ULK4: variants seen among roughly 807,000 people sequenced by gnomAD.
ULK4 encodes the protein inactive serine/threonine-protein kinase ULK4.
In ULK4, 133 loss-of-function variants were observed where a neutral mutation model predicts 160.6. That is an observed-to-expected ratio of 0.83 (90% CI 0.72 to 0.96). The LOEUF is 0.96. ULK4 is among the 40% of genes least tolerant of loss of function. ULK4 has a pLI of 0.00. For synonymous variants in ULK4, 534 were observed against 539.8 expected, an observed-to-expected ratio of 0.99 and a Z score of 0.15; for missense variants, 1,580 against 1,499.5, an observed-to-expected ratio of 1.05 and a Z score of -0.89.
intron 17 of ULK4, among the ~76,000 whole-genome samples, chr3:41,864,591 C>T (rs2042575701): frequency 6.6e-6 from 1 of 151,914 alleles, no homozygotes; most frequent in Admixed American, 6.6e-5. Flanking sequence ...CTTGCTGTAC[C>T]CCAGAGTCAG....
intron 32 of ULK4, among the ~76,000 whole-genome samples, chr3:41,548,136 G>A (rs760080147): frequency 9.9e-5 from 15 of 152,136 alleles, no homozygotes; most frequent in Non-Finnish European, 1.9e-4. Flanking sequence ...ACAGGAACCT[G>A]GGGAATGCCT....
intron 35 of ULK4, among the ~76,000 whole-genome samples, chr3:41,329,205 C>T (rs2080395021): frequency 6.6e-6 from 1 of 152,180 alleles, no homozygotes. Flanking sequence ...ATCCAAGTTG[C>T]TGCAACGTAT....
At chr3:41,264,691 C>G (rs150697522) in intron 35 of ULK4, among the ~76,000 whole-genome samples, 1 of 152,176 alleles carries the variant, frequency 6.6e-6, no homozygotes, top group Non-Finnish European at 1.5e-5. Context: ...TACATATTCT[C>G]TGATTTGGAA....
At chr3:41,616,502 G>A in intron 30 of ULK4, among the ~76,000 whole-genome samples, 1 of 152,184 alleles carries the variant, frequency 6.6e-6, no homozygotes, top group East Asian at 1.9e-4. Flanking sequence ...GATAGCAGAA[G>A]CAGGGTGGGG....
At chr3:41,387,105 T>C (rs980124110) in intron 35 of ULK4, among the ~76,000 whole-genome samples, 1 of 152,084 alleles carries the variant, frequency 6.6e-6, no homozygotes, top group Non-Finnish European at 1.5e-5. Context: ...TTAAAAAAAA[T>C]TGGCAAATAA....
At chr3:41,957,713 A>AG (rs990914196) in intron 1 of ULK4, among the ~76,000 whole-genome samples, 7 of 151,244 alleles carry the variant, frequency 4.6e-5, no homozygotes, top group East Asian at 3.9e-4. Context: ...ACCATGTCTC[A>AG]GAAAAAAAAA....
Position 41,807,782 on chromosome 3 carries a change from A to G in ULK4, c.1849-7489T>C, listed in dbSNP as rs951664935. On this transcript the variant is annotated intron_variant, in intron 19 of 36. Coordinates refer to ENST00000301831, the MANE Select transcript of ULK4 (RefSeq NM_017886.4). The stretch of plus-strand genomic sequence containing the variant: ...ACATTTTTCATTTCTCAGAATGGCT[A>G]TCTGAGAGAACTCTTCCTTCCCATT... Among the ~76,000 whole-genome samples the G allele has an allele frequency of 2.0e-5, 3 of 152,184 alleles. No homozygotes were observed. In the South Asian group the frequency reaches 6.2e-4, roughly 32 times the overall value.
At chr3:41,842,301 C>T (rs1436287233) in intron 17 of ULK4, among the ~76,000 whole-genome samples, 1 of 151,614 alleles carries the variant, frequency 6.6e-6, no homozygotes, top group Non-Finnish European at 1.5e-5. Flanking sequence ...GTGAAACCCC[C>T]ATATAAAAAG....
chr3:41,767,274 T>A (rs985152174), intron 21 of ULK4, among the ~76,000 whole-genome samples: 6 of 152,064 alleles, frequency 3.9e-5, no homozygotes, highest in African/African-American at 1.4e-4. Flanking sequence ...ATACCGAAAA[T>A]TAGAGACAAA....
At chr3:41,735,878 T>C (rs1031267347) in intron 22 of ULK4, among the ~76,000 whole-genome samples, 5 of 118,882 alleles carry the variant, frequency 4.2e-5, no homozygotes, top group African/African-American at 1.6e-4. Context: ...AGTGTGATGT[T>C]CCCCTTCCTG....
At chr3:41,379,961 G>A (rs1473954190) in intron 35 of ULK4, among the ~76,000 whole-genome samples, 1 of 152,168 alleles carries the variant, frequency 6.6e-6, no homozygotes, top group Non-Finnish European at 1.5e-5. Context: ...CAAGTCTTTA[G>A]GGGCATGAAC....
intron 34 of ULK4, among the ~76,000 whole-genome samples, chr3:41,441,905 A>C (rs1348769931): frequency 6.6e-6 from 1 of 152,180 alleles, no homozygotes; most frequent in Non-Finnish European, 1.5e-5. Context: ...CTATCGTATC[A>C]TTAGGACATG....
rs1413801032 is a variant in ULK4, at chr3:41,717,671, C to T, written c.2455+57G>A. On this transcript the variant is annotated intron_variant, in intron 23 of 36. Coordinates refer to ENST00000301831, the MANE Select transcript of ULK4 (RefSeq NM_017886.4). ...ATAAAAAAGAACTGATGCCTAAAAGCCAAGTCTTAGAAACGTAAAAGCAGA... is the reference window on the plus strand; with the variant it reads ...ATAAAAAAGAACTGATGCCTAAAAGTCAAGTCTTAGAAACGTAAAAGCAGA... The T allele has an allele frequency of 3.9e-6, 6 of 1,555,416 alleles. No homozygotes were observed. In the African/African-American group the frequency reaches 6.8e-5, roughly 18 times the overall value.
intron 35 of ULK4, among the ~76,000 whole-genome samples, chr3:41,372,744 A>C (rs573821830): frequency 1.1e-4 from 16 of 152,356 alleles, no homozygotes; most frequent in Admixed American, 1.0e-3. Flanking sequence ...AACGGGCAAA[A>C]TAACCAGCTA....
chr3:41,425,911 T>C (rs961347966), intron 34 of ULK4, among the ~76,000 whole-genome samples: 6 of 152,086 alleles, frequency 3.9e-5, no homozygotes, highest in African/African-American at 1.4e-4. Flanking sequence ...GATGACAGGA[T>C]CAAATTCACA....
chr3:41,435,507 G>A (rs2083013992), intron 34 of ULK4, among the ~76,000 whole-genome samples: 1 of 152,198 alleles, frequency 6.6e-6, no homozygotes, highest in South Asian at 2.1e-4. Context: ...TAATATAGGT[G>A]TGGCCCAAAA....
At chr3:41,511,289 T>A in intron 32 of ULK4, among the ~76,000 whole-genome samples, 1 of 145,932 alleles carries the variant, frequency 6.9e-6, no homozygotes, top group Non-Finnish European at 1.5e-5. Context: ...ATAACAAAGA[T>A]CAGAGCAAAA....
chr3:41,492,050 A>C (rs541584358), intron 32 of ULK4, among the ~76,000 whole-genome samples: 117 of 152,040 alleles, frequency 7.7e-4, no homozygotes, highest in African/African-American at 2.7e-3. Context: ...GTCCCTACAA[A>C]GGACATGAAC....
chr3:41,648,211 C>T (rs1432942073), intron 30 of ULK4, among the ~76,000 whole-genome samples: 1 of 152,184 alleles, frequency 6.6e-6, no homozygotes, highest in Admixed American at 6.5e-5. Flanking sequence ...CACTGTCCTG[C>T]GCCCACTGTC....
Sources: allele counts gnomAD v4.1 joint callset (sites outside exome capture counted in the v4.1 genomes callset), GRCh38; gene constraint gnomAD v4.1.1; transcripts MANE v1.5; gene names NCBI Gene and HGNC (gene_info 2026-07-23, HGNC 2026-07-21).